NCAPG2: variants seen among roughly 807,000 people sequenced by gnomAD.
NCAPG2 encodes the protein condensin-2 complex subunit G2.
A neutral mutation model predicts 141.1 loss-of-function variants in NCAPG2; 53 were observed. The observed-to-expected ratio is 0.38, with a 90% CI of 0.30 to 0.47. NCAPG2 has a LOEUF of 0.47. Among genes scored for constraint, NCAPG2 ranks in the 20% least tolerant of loss-of-function variants. The pLI is 0.99. For synonymous variants in NCAPG2, 499 were observed against 490.7 expected, an observed-to-expected ratio of 1.02 and a Z score of -0.22; for missense variants, 1,087 against 1,389.0, an observed-to-expected ratio of 0.78 and a Z score of 3.46.
intron 27 of NCAPG2, chr7:158,641,517 T>C (rs1358826271): frequency 1.5e-6 from 1 of 677,484 alleles, no homozygotes; most frequent in Non-Finnish European, 2.7e-6. Context: ...AGTCCAGGAG[T>C]TAGAGCCCAG....
intron 25 of NCAPG2, 140 bp from the exon 26 acceptor site, chr7:158,645,759 T>A: frequency 1.5e-6 from 1 of 684,578 alleles, no homozygotes; most frequent in Non-Finnish European, 2.5e-6. Flanking sequence ...ACTCACCCCA[T>A]GCTTTTCATG....
At position 158,683,299 on chromosome 7, in the gene NCAPG2, C is replaced by T; in HGVS notation, c.924+1G>A. The T allele has an allele frequency of 6.4e-7, 1 of 1,572,172 alleles. No individual in the cohort carries two copies. Reference sequence around the variant, plus strand: ...CAAAAACAATCTGTTCACAATCTTACCTCCCGCACTTTGGAATGCACTGGA... The same window carrying T: ...CAAAAACAATCTGTTCACAATCTTATCTCCCGCACTTTGGAATGCACTGGA... On this transcript the variant is annotated splice_donor_variant, in intron 9 of 27. Transcript: ENST00000356309. LOFTEE classifies it high-confidence loss of function.
At chr7:158,648,970 A>G (rs367624997) in intron 24 of NCAPG2, among the ~76,000 whole-genome samples, 2 of 152,288 alleles carry the variant, frequency 1.3e-5, no homozygotes, top group East Asian at 3.8e-4. Flanking sequence ...AACCATGGCA[A>G]ATGGACTACA....
intron 8 of NCAPG2, among the ~76,000 whole-genome samples, chr7:158,685,633 T>C (rs1213849345): frequency 2.6e-5 from 4 of 152,196 alleles, no homozygotes; most frequent in African/African-American, 7.2e-5. Context: ...ACACTATATG[T>C]GTAGGGACTG....
chr7:158,635,408 C>T (rs928147295), intron 27 of NCAPG2, among the ~76,000 whole-genome samples: 2 of 152,130 alleles, frequency 1.3e-5, no homozygotes, highest in South Asian at 2.1e-4. Flanking sequence ...TTACTATTAA[C>T]GTTGCCTGCA....
At chr7:158,655,508 A>AC in intron 19 of NCAPG2, 53 bp from the exon 20 acceptor site, 1 of 1,415,556 alleles carries the variant, frequency 7.1e-7, no homozygotes, top group Non-Finnish European at 1.0e-6. Flanking sequence ...GCACCACCAC[A>AC]CCCCGTACAG....
chr7:158,665,141 G>A (rs138036088), intron 13 of NCAPG2: 59 of 184,484 alleles, frequency 3.2e-4, no homozygotes, highest in African/African-American at 9.6e-4. Flanking sequence ...CGTTTTTGAC[G>A]TGGACACTCC....
At chr7:158,643,963 T>C (rs1830820789) in intron 27 of NCAPG2, among the ~76,000 whole-genome samples, 1 of 152,246 alleles carries the variant, frequency 6.6e-6, no homozygotes, top group Admixed American at 6.5e-5. Flanking sequence ...TGTCTATCCT[T>C]GGGAAACGCC....
At chr7:158,672,967 G>C (rs1031385721) in intron 12 of NCAPG2, among the ~76,000 whole-genome samples, 1 of 152,214 alleles carries the variant, frequency 6.6e-6, no homozygotes, top group Admixed American at 6.5e-5. Flanking sequence ...TGACCCATCT[G>C]GGCAAGGGAG....
chr7:158,646,541 G>A lies in NCAPG2; in HGVS notation c.3098C>T (p.Thr1033Ile). 3.8e-6 allele frequency: 6 copies of A among 1,579,968 alleles called. No individual in the cohort carries two copies. The highest frequency in any genetic ancestry group is 5.1e-6 in the Non-Finnish European group (6 of 1,169,926). ...LRKVSDVEEL[T>I]PPEHLSDLPP... ...AAGATCAGAAAGATGCTCTGGAGGG[G>A]TAAGCTCTTCTACGTCAGAAACCTA... Residue 1033 changes from threonine to isoleucine, a missense_variant, in exon 25 of 28, where the codon ACC (threonine) becomes ATC (isoleucine). By Grantham distance (89) the Thr-to-Ile change is moderately conservative (BLOSUM62 -1). Coordinates refer to ENST00000356309, the MANE Select transcript of NCAPG2 (RefSeq NM_017760.7).
rs1224542502 is a variant in NCAPG2, at chr7:158,686,240, A to T, written c.769T>A (p.Ser257Thr). The change falls in exon 8 of 28, where the codon TCT (serine) becomes ACT (threonine). Residue 257 changes from serine (S) to threonine (T), a missense_variant and splice_region_variant. Ser to Thr is a moderately conservative substitution (Grantham distance 58). Transcript: ENST00000356309. ...IKNQLQGLQK[S>T]LMVYIAEIYF... ...ATTTCTGCAATGTATACCATCAAAG[A>T]CCTATATAAAAAGATCAAAATAGTT... The T allele has an allele frequency of 1.0e-5, 16 of 1,532,162 alleles. No homozygotes were observed. Among genetic ancestry groups the T allele is most frequent in the Non-Finnish European group, 1.4e-5 (16 of 1,133,408 alleles). The allele number at this position is 1,532,162 out of a possible 1,614,324, so 94.9% of individuals were successfully genotyped here.
At chr7:158,675,717 G>T in intron 11 of NCAPG2, 61 bp from the exon 12 acceptor site, 1 of 1,530,778 alleles carries the variant, frequency 6.5e-7, no homozygotes, top group Non-Finnish European at 8.9e-7. Flanking sequence ...ATCCACATCT[G>T]CTTCACACGT....
chr7:158,673,878 C>A (rs900197579), intron 12 of NCAPG2, among the ~76,000 whole-genome samples: 2 of 152,138 alleles, frequency 1.3e-5, no homozygotes, highest in African/African-American at 4.8e-5. Context: ...TCCAGAGGGA[C>A]AAGGGAATGG....
At chr7:158,693,058 A>G (rs560498205) in intron 3 of NCAPG2, 102 bp from the exon 4 acceptor site, 18 of 863,192 alleles carry the variant, frequency 2.1e-5, no homozygotes, top group Middle Eastern at 3.6e-4. Context: ...TCAAGCCACA[A>G]TTCTAGCTTA....
intron 2 of NCAPG2, among the ~76,000 whole-genome samples, chr7:158,698,093 T>C (rs530834540): frequency 7.2e-4 from 110 of 152,310 alleles, no homozygotes; most frequent in Non-Finnish European, 9.1e-4. Flanking sequence ...AACCTGTACA[T>C]GTAACCCTGA....
At chr7:158,655,091 A>G (rs1380898325) in intron 21 of NCAPG2, 27 bp downstream of exon 21, 4 of 1,566,974 alleles carry the variant, frequency 2.6e-6, no homozygotes, top group African/African-American at 1.4e-5. Flanking sequence ...GTAAAGAGAA[A>G]GTTTTCTGTG....
At chr7:158,653,387 A>AAAT (rs1554553517) in intron 22 of NCAPG2, among the ~76,000 whole-genome samples, 3 of 146,092 alleles carry the variant, frequency 2.1e-5, no homozygotes, top group Non-Finnish European at 4.5e-5. Context: ...ATAAAAAAAA[A>AAAT]AATAATAATA....
chr7:158,685,469 A>T (rs1274660635), intron 8 of NCAPG2, among the ~76,000 whole-genome samples: 1 of 152,144 alleles, frequency 6.6e-6, no homozygotes, highest in African/African-American at 2.4e-5. Flanking sequence ...CAGTTCTAGG[A>T]CCTCCCTCAG....
chr7:158,682,153 C>T (rs990169802), intron 9 of NCAPG2, among the ~76,000 whole-genome samples: 1 of 151,910 alleles, frequency 6.6e-6, no homozygotes, highest in Non-Finnish European at 1.5e-5. Context: ...CTCAGACTAC[C>T]ACAGCAAAAA....
Sources: allele counts gnomAD v4.1 joint callset (sites outside exome capture counted in the v4.1 genomes callset), GRCh38; gene constraint gnomAD v4.1.1; transcripts MANE v1.5; gene names NCBI Gene and HGNC (gene_info 2026-07-23, HGNC 2026-07-21).